The following EML4 variants were observed in gnomAD, a reference collection of about 807,000 sequenced individuals.
The protein encoded by EML4 is echinoderm microtubule-associated protein-like 4.
EML4 carries 72 observed loss-of-function variants against 129.0 expected under a neutral mutation model. The observed-to-expected ratio is 0.56, with a 90% CI of 0.46 to 0.68. The LOEUF (loss-of-function observed/expected upper bound fraction) is 0.68. Among genes scored for constraint, EML4 ranks in the 30% least tolerant of loss-of-function variants. EML4 has a pLI of 0.00. For synonymous variants in EML4, 532 were observed against 405.0 expected, an observed-to-expected ratio of 1.31 and a Z score of -3.77; for missense variants, 1,363 against 1,190.6, an observed-to-expected ratio of 1.14 and a Z score of -2.13.
At chr2:42,312,208 A>C (rs1377310569) in intron 17 of EML4, among the ~76,000 whole-genome samples, 2 of 152,210 alleles carry the variant, frequency 1.3e-5, no homozygotes, top group Admixed American at 1.3e-4. Flanking sequence ...AAAATTTATG[A>C]ATGTGTTTAG....
chr2:42,208,174 G>A (rs1672673445), intron 1 of EML4: 1 of 152,080 alleles, frequency 6.6e-6, no homozygotes, highest in Non-Finnish European at 1.5e-5. Context: ...GAGGTCTTAT[G>A]TCTTCTGAAT....
chr2:42,233,305 C>CTTTTT (rs1193200087), intron 1 of EML4, among the ~76,000 whole-genome samples: 1 of 146,692 alleles, frequency 6.8e-6, no homozygotes, highest in African/African-American at 2.5e-5. Flanking sequence ...TTACAGGTTT[C>CTTTTT]TTTCTTTTTT....
chr2:42,210,140 A>T (rs1250309952), intron 1 of EML4, among the ~76,000 whole-genome samples: 1 of 152,114 alleles, frequency 6.6e-6, no homozygotes, highest in African/African-American at 2.4e-5. Context: ...GTTTATTAAG[A>T]TTTACTTAGT....
At chr2:42,197,177 C>G (rs1417759307) in intron 1 of EML4, among the ~76,000 whole-genome samples, 2 of 152,120 alleles carry the variant, frequency 1.3e-5, no homozygotes, top group African/African-American at 2.4e-5. Flanking sequence ...ATACCCCCAT[C>G]TCAGATTCCC....
At position 42,331,850 on chromosome 2, in the gene EML4, G is replaced by C. The variant is rs1251108537; in HGVS notation, c.*1643G>C. On this transcript the variant is annotated 3_prime_UTR_variant, in exon 23 of 23. Transcript: ENST00000318522. ...AGACACTGTGTGTATCTCTAGATAA[G>C]AAGATATGCACCACGTTGAAAATAC... The C allele has an allele frequency of 9.1e-6, 2 of 219,710 alleles. No individual in the cohort carries two copies. The highest frequency in any genetic ancestry group is 1.8e-5 in the Non-Finnish European group (2 of 109,222). The allele number at this position is 219,710 out of a possible 1,614,324, so 13.6% of individuals were successfully genotyped here. A position where few individuals can be genotyped will look rare whatever the true frequency, so the allele number is the denominator to read the frequency against.
chr2:42,196,374 A>G (rs145063541), intron 1 of EML4, among the ~76,000 whole-genome samples: 63 of 152,342 alleles, frequency 4.1e-4, no homozygotes, highest in African/African-American at 1.3e-3. Context: ...AGGAGTGCCA[A>G]TCATTTAGCC....
At chr2:42,325,306 G>T (rs186273295) in intron 19 of EML4, 161 bp from the exon 20 acceptor site, 2 of 632,914 alleles carry the variant, frequency 3.2e-6, no homozygotes, top group African/African-American at 3.6e-5. Flanking sequence ...AAGTGCTGAG[G>T]ATTTGCTGTG....
intron 1 of EML4, among the ~76,000 whole-genome samples, chr2:42,175,350 T>G (rs1670539823): frequency 6.6e-6 from 1 of 151,204 alleles, no homozygotes; most frequent in African/African-American, 2.4e-5. Flanking sequence ...CCTGACCTTG[T>G]TATTCGCCTG....
At chr2:42,187,676 T>A (rs577567813) in intron 1 of EML4, among the ~76,000 whole-genome samples, 197 of 152,058 alleles carry the variant, frequency 1.3e-3, no homozygotes, top group African/African-American at 4.0e-3. Context: ...TCATTTTTTT[T>A]AAAAAAAAAT....
At chr2:42,279,128 TTTTG>T (rs1410541756) in intron 6 of EML4, among the ~76,000 whole-genome samples, 1 of 152,120 alleles carries the variant, frequency 6.6e-6, no homozygotes, top group East Asian at 1.9e-4. Context: ...GAGGTCATGT[TTTTG>T]TTTTTTATTA....
chr2:42,295,799 T>C (rs986011995), intron 13 of EML4, among the ~76,000 whole-genome samples: 9 of 152,204 alleles, frequency 5.9e-5, no homozygotes, highest in African/African-American at 2.2e-4. Context: ...TTAAAAAGTA[T>C]AAAGGCTCAC....
chr2:42,296,118 T>C (rs1267280112), intron 13 of EML4, among the ~76,000 whole-genome samples: 2 of 152,202 alleles, frequency 1.3e-5, no homozygotes, highest in African/African-American at 4.8e-5. Flanking sequence ...GAAAATAACC[T>C]TTTTTAAACC....
intron 1 of EML4, among the ~76,000 whole-genome samples, chr2:42,213,885 T>A (rs563959834): frequency 6.8e-4 from 104 of 152,352 alleles, no homozygotes; most frequent in African/African-American, 2.4e-3. Flanking sequence ...ATACATCAAT[T>A]TAAGTTTCTT....
chr2:42,190,505 A>G (rs570917646), intron 1 of EML4, among the ~76,000 whole-genome samples: 1 of 152,334 alleles, frequency 6.6e-6, no homozygotes, highest in Non-Finnish European at 1.5e-5. Flanking sequence ...AGTACTATTT[A>G]GTGATGTGGG....
At chr2:42,184,187 C>T (rs1216396332) in intron 1 of EML4, among the ~76,000 whole-genome samples, 1 of 152,000 alleles carries the variant, frequency 6.6e-6, no homozygotes, top group Admixed American at 6.6e-5. Context: ...CTTACTTAAC[C>T]TGTATATGGC....
At chr2:42,230,330 A>G (rs1477882279) in intron 1 of EML4, among the ~76,000 whole-genome samples, 17 of 152,326 alleles carry the variant, frequency 1.1e-4, no homozygotes, top group Admixed American at 7.2e-4. Flanking sequence ...ATAATTAACA[A>G]TATCCTACAA....
chr2:42,178,536 C>T (rs1670749004), intron 1 of EML4, among the ~76,000 whole-genome samples: 2 of 152,066 alleles, frequency 1.3e-5, no homozygotes, highest in Admixed American at 6.5e-5. Context: ...GAGCGAGCAG[C>T]GAGACCCTGT....
In EML4 at chr2:42,263,854, C is replaced by T. The variant is rs962161836; in HGVS notation, c.641+548C>T. 3.3e-5 allele frequency among the ~76,000 whole-genome samples: 5 copies of T among 152,084 alleles called. 1 individual carries two copies. The highest frequency in any genetic ancestry group is 4.8e-5 in the African/African-American group (2 of 41,416). On this transcript the variant is annotated intron_variant, in intron 5 of 22. Transcript: ENST00000318522. ...AAGCGATTGTCCTGCCTTAGCCTCCCGAGTAGCTGGGACTAGAGGTGTGCA... is the reference window on the plus strand; with the variant it reads ...AAGCGATTGTCCTGCCTTAGCCTCCTGAGTAGCTGGGACTAGAGGTGTGCA...
At chr2:42,281,896 C>T (rs1000236727) in intron 7 of EML4, among the ~76,000 whole-genome samples, 1 of 152,140 alleles carries the variant, frequency 6.6e-6, no homozygotes, top group African/African-American at 2.4e-5. Flanking sequence ...CTCCCACGTC[C>T]CTTGAATTAT....
Sources: gnomAD v4.1 joint callset for allele counts (sites outside exome capture counted in the v4.1 genomes callset) on GRCh38, gnomAD v4.1.1 for gene constraint, MANE v1.5 for transcripts, NCBI Gene and HGNC (gene_info 2026-07-23, HGNC 2026-07-21) for gene names.